Variants in ETV7 observed in about 807,000 individuals in gnomAD.
ETV7 encodes transcription factor ETV7.
ETV7 carries 43 observed loss-of-function variants against 39.1 expected under a neutral mutation model. The ratio of observed to expected loss-of-function variants is 1.10; its 90% CI spans 0.86 to 1.42. The LOEUF is 1.42. ETV7 is among the 40% of genes most tolerant of loss of function. The probability of loss-of-function intolerance (pLI) is 0.00; values close to 1 mark genes in which losing one functional copy is unlikely to be tolerated. For missense variants in ETV7, 432 were observed against 442.3 expected, an observed-to-expected ratio of 0.98 and a Z score of 0.21; for synonymous variants, 196 against 176.6, an observed-to-expected ratio of 1.11 and a Z score of -0.87.
At chr6:36,377,252 G>A (rs1441312808) in intron 2 of ETV7, among the ~76,000 whole-genome samples, 1 of 152,138 alleles carries the variant, frequency 6.6e-6, no homozygotes, top group Non-Finnish European at 1.5e-5. Flanking sequence ...CTTGAGCCCA[G>A]GAGTTTGAGA....
At position 36,368,926 on chromosome 6, in the gene ETV7, C is replaced by T; in HGVS notation, c.807+3G>A. On this transcript the variant is annotated splice_donor_region_variant and intron_variant, in intron 6 of 7. Coordinates refer to ENST00000340181, the MANE Select transcript of ETV7 (RefSeq NM_016135.4). ...TGAGACCATTCTGCTGGCCGAGGCT[C>T]ACCTTGTGATTTCCCCAGAGTCTGG... The T allele has an allele frequency of 1.2e-6, 2 of 1,614,162 alleles. No homozygotes were observed. Among genetic ancestry groups the T allele is most frequent in the South Asian group, 1.1e-5 (1 of 91,086 alleles).
At chr6:36,373,601 G>GGGGGGGGGGGGGGGC in intron 3 of ETV7, 23 bp from the exon 4 acceptor site, 1 of 475,648 alleles carries the variant, frequency 2.1e-6, no homozygotes, top group Non-Finnish European at 4.0e-6. Flanking sequence ...GGGAGGGAGG[G>GGGGGGGGGGGGGGGC]CAGGCTGCTG....
chr6:36,373,270 T>C (rs907645043), intron 4 of ETV7, among the ~76,000 whole-genome samples, 183 bp downstream of exon 4: 1 of 80,518 alleles, frequency 1.2e-5, no homozygotes, highest in African/African-American at 5.0e-5. Context: ...GTGGGAGGCA[T>C]GGAGGGTGCA....
In ETV7 at chr6:36,373,507, C is replaced by CA; in HGVS notation, c.378dup (p.Gly127TrpfsTer50). ...GGCGTCTTCAGCCTGAAGATCCCTC[C>CA]AAAAAAGGGCCCACACACCAGGGCT... On this transcript the variant is annotated frameshift_variant, in exon 4 of 8. Coordinates refer to ENST00000340181, the MANE Select transcript of ETV7 (RefSeq NM_016135.4). LOFTEE classifies it high-confidence loss of function. 5 of 1,395,632 alleles carry CA rather than the reference C, an allele frequency of 3.6e-6. No individual in the cohort carries two copies. Among genetic ancestry groups the CA allele is most frequent in the Non-Finnish European group, 4.8e-6 (5 of 1,049,046 alleles). 86.5% of individuals were successfully genotyped at this position (1,395,632 alleles called of 1,614,324 possible). A position where few individuals can be genotyped will look rare whatever the true frequency, so the allele number is the denominator to read the frequency against.
chr6:36,386,958 G>GTAAC (rs1000977140), intron 1 of ETV7: 1 of 165,764 alleles, frequency 6.0e-6, no homozygotes, highest in African/African-American at 2.4e-5. Flanking sequence ...TTCCGAGGCT[G>GTAAC]TAACTGCCTG....
At chr6:36,354,099 T>C (rs186757739) in exon 8 of ETV7, 1 of 152,182 alleles carries the variant, frequency 6.6e-6, no homozygotes, top group Non-Finnish European at 1.5e-5. Context: ...TTGGGGTTTT[T>C]TGTCTTTTTA....
intron 2 of ETV7, among the ~76,000 whole-genome samples, chr6:36,381,614 A>G (rs1773659218): frequency 6.6e-6 from 1 of 152,100 alleles, no homozygotes; most frequent in African/African-American, 2.4e-5. Context: ...ATTGTGTGTC[A>G]TGGTGTCTTC....
chr6:36,379,559 A>AG (rs1561914457), intron 2 of ETV7, among the ~76,000 whole-genome samples: 2 of 126,020 alleles, frequency 1.6e-5, no homozygotes, highest in African/African-American at 6.6e-5. Context: ...TAAAAAAAAA[A>AG]AAAGAAGAAG....
At chr6:36,379,655 A>G (rs1773556152) in intron 2 of ETV7, among the ~76,000 whole-genome samples, 1 of 152,000 alleles carries the variant, frequency 6.6e-6, no homozygotes. Flanking sequence ...AGGCAGGCAG[A>G]TCATAAGGTC....
intron 2 of ETV7, among the ~76,000 whole-genome samples, chr6:36,381,638 A>G (rs1773660389): frequency 6.6e-6 from 1 of 152,094 alleles, no homozygotes; most frequent in Non-Finnish European, 1.5e-5. Flanking sequence ...GACTCCTTAA[A>G]TCTGTCACCC....
intron 2 of ETV7, among the ~76,000 whole-genome samples, chr6:36,377,135 G>A (rs1167532477): frequency 6.6e-6 from 1 of 152,206 alleles, no homozygotes; most frequent in Non-Finnish European, 1.5e-5. Context: ...GACTTCATGA[G>A]CCCTTGACAC....
downstream of ETV7, among the ~76,000 whole-genome samples, chr6:36,361,673 A>C (rs979383758): frequency 6.6e-6 from 1 of 152,274 alleles, no homozygotes; most frequent in African/African-American, 2.4e-5. Flanking sequence ...GAGGAAGACC[A>C]GAGCTCATGC....
chr6:36,380,272 G>A (rs1773587557), intron 2 of ETV7, among the ~76,000 whole-genome samples: 1 of 152,080 alleles, frequency 6.6e-6, no homozygotes, highest in Non-Finnish European at 1.5e-5. Flanking sequence ...GTGAATGTGG[G>A]ACTTCACCTG....
Position 36,366,569 on chromosome 6 carries a change from GGGAGGA to G in ETV7, c.*70_*75del. 3.7e-6 allele frequency: 6 copies of G among 1,605,956 alleles called. No individual in the cohort carries two copies. The highest frequency in any genetic ancestry group is 5.1e-6 in the Non-Finnish European group (6 of 1,175,480). Reference sequence around the variant, plus strand: ...TGGCTGGGGATCCTGCTGCTCTGCTGGGAGGAGGAGTCTGCCTTCATGGGAGACTCG... The same window carrying G: ...TGGCTGGGGATCCTGCTGCTCTGCTGGGAGTCTGCCTTCATGGGAGACTCG... On this transcript the variant is annotated 3_prime_UTR_variant, in exon 8 of 8. Coordinates refer to ENST00000340181, the MANE Select transcript of ETV7 (RefSeq NM_016135.4).
At chr6:36,364,383 G>T (rs1017849143), downstream of ETV7, among the ~76,000 whole-genome samples, 5 of 152,256 alleles carry the variant, frequency 3.3e-5, no homozygotes, top group African/African-American at 1.2e-4. Context: ...CCCGCAGGAA[G>T]GCAGCTAAGG....
chr6:36,371,855 T>A (rs1773043889), intron 4 of ETV7, among the ~76,000 whole-genome samples: 1 of 152,240 alleles, frequency 6.6e-6, no homozygotes, highest in South Asian at 2.1e-4. Context: ...CCAGGGGCCC[T>A]GTATCCCATG....
exon 8 of ETV7, chr6:36,354,509 T>C (rs1772288555): frequency 3.7e-6 from 2 of 538,740 alleles, no homozygotes; most frequent in Non-Finnish European, 6.6e-6. Flanking sequence ...TTGAAAAAAC[T>C]GTTCTTAATC....
chr6:36,362,771 A>C (rs1413542557), downstream of ETV7, among the ~76,000 whole-genome samples: 1 of 152,200 alleles, frequency 6.6e-6, no homozygotes, highest in African/African-American at 2.4e-5. Flanking sequence ...CTGCTCTCCT[A>C]GTAGCCCAAC....
downstream of ETV7, among the ~76,000 whole-genome samples, chr6:36,364,178 C>A (rs990704509): frequency 6.6e-6 from 1 of 152,262 alleles, no homozygotes. Context: ...CCCAGTGGAT[C>A]CTGCACTGGG....
Sources: gnomAD v4.1 joint callset for allele counts (sites outside exome capture counted in the v4.1 genomes callset) on GRCh38, gnomAD v4.1.1 for gene constraint, MANE v1.5 for transcripts, NCBI Gene and HGNC (gene_info 2026-07-23, HGNC 2026-07-21) for gene names.